The following TRIP12 variants were observed in gnomAD, a reference collection of about 807,000 sequenced individuals.
TRIP12 encodes the protein thyroid hormone receptor interactor 12.
TRIP12 carries 25 observed loss-of-function variants against 244.2 expected under a neutral mutation model. The observed-to-expected ratio is 0.10, with a 90% CI of 0.07 to 0.14. The LOEUF (loss-of-function observed/expected upper bound fraction) is 0.14. TRIP12 is among the 10% of genes least tolerant of loss of function. TRIP12 has a pLI of 1.00. For missense variants in TRIP12, 1,677 were observed against 2,486.4 expected (o/e 0.67, Z 6.92); for synonymous variants, 905 against 873.1 (o/e 1.04, Z -0.64).
intron 37 of TRIP12, among the ~76,000 whole-genome samples, chr2:229,776,920 C>T (rs2036439544): frequency 6.6e-6 from 1 of 152,130 alleles, no homozygotes; most frequent in Non-Finnish European, 1.5e-5. Context: ...AAATATCTTC[C>T]TGAGATCTCT....
At chr2:229,920,565 T>C (rs1353577205) in intron 1 of TRIP12, among the ~76,000 whole-genome samples, 1 of 152,070 alleles carries the variant, frequency 6.6e-6, no homozygotes, top group Non-Finnish European at 1.5e-5. Context: ...ACTCGATGCT[T>C]AGGCTAAACC....
chr2:229,858,799 G>T lies in TRIP12; in HGVS notation c.1000C>A (p.Pro334Thr), dbSNP rs2060037579. 1 of 1,599,118 alleles carries T rather than the reference G, an allele frequency of 6.3e-7. No homozygotes were observed. The highest frequency in any genetic ancestry group is 8.6e-7 in the Non-Finnish European group (1 of 1,168,794). Reference sequence around the variant, plus strand: ...GCTAATTTGGCCTGTAATCCAGAAGGTCCAGGTTTTGATGTCTCTGACTTA... The same window carrying T: ...GCTAATTTGGCCTGTAATCCAGAAGTTCCAGGTTTTGATGTCTCTGACTTA... ...SSKSETSKPG[P>T]SGLQAKLASL... The change falls in exon 4 of 42, where the codon CCT becomes ACT. Residue 334 changes from proline to threonine, a missense_variant. Pro to Thr is a conservative substitution (Grantham distance 38). Coordinates refer to ENST00000675903, the MANE Select transcript of TRIP12 (RefSeq NM_001348323.3).
chr2:229,905,794 A>G (rs1293109874), intron 1 of TRIP12, among the ~76,000 whole-genome samples: 2 of 152,186 alleles, frequency 1.3e-5, no homozygotes. Flanking sequence ...CACCAATCAG[A>G]GCAAGGAGAG....
At chr2:229,767,940 C>T (rs1464246343) in intron 41 of TRIP12, among the ~76,000 whole-genome samples, 190 bp from the exon 42 acceptor site, 1 of 152,170 alleles carries the variant, frequency 6.6e-6, no homozygotes, top group Non-Finnish European at 1.5e-5. Flanking sequence ...CGCTGTATAA[C>T]ATGGAGGCAA....
At chr2:229,905,355 G>C (rs2072435378) in intron 1 of TRIP12, among the ~76,000 whole-genome samples, 1 of 151,808 alleles carries the variant, frequency 6.6e-6, no homozygotes, top group Non-Finnish European at 1.5e-5. Flanking sequence ...CTAAGTTATA[G>C]CAGGCAAAAA....
chr2:229,829,303 A>AG lies in TRIP12; in HGVS notation c.1355-16dup, dbSNP rs1489457191. The AG allele has an allele frequency of 6.2e-7, 1 of 1,604,238 alleles. No individual in the cohort carries two copies. Among genetic ancestry groups the AG allele is most frequent in the East Asian group, 2.2e-5 (1 of 44,622 alleles). On this transcript the variant is annotated splice_polypyrimidine_tract_variant and intron_variant, in intron 7 of 41. Transcript: ENST00000675903. ...CTCTAACAAAGCTAAAGAAAAAAGA[A>AG]GGGCAGAGTGAACAACTAAGATGAC...
At chr2:229,901,948 C>T (rs1296538280) in intron 1 of TRIP12, among the ~76,000 whole-genome samples, 1 of 152,194 alleles carries the variant, frequency 6.6e-6, no homozygotes. Context: ...AGGCTATTCC[C>T]TCGCCCTCAG....
At chr2:229,845,111 C>A (rs922412567) in intron 4 of TRIP12, among the ~76,000 whole-genome samples, 1 of 152,312 alleles carries the variant, frequency 6.6e-6, no homozygotes, top group Non-Finnish European at 1.5e-5. Flanking sequence ...ATATTATCCT[C>A]TTTTATTGTA....
intron 31 of TRIP12, 25 bp downstream of exon 31, chr2:229,789,586 T>C (rs767932055): frequency 1.9e-6 from 3 of 1,604,012 alleles, no homozygotes; most frequent in African/African-American, 2.7e-5. Context: ...CCATGAAAAC[T>C]TCATAAATAG....
intron 1 of TRIP12, among the ~76,000 whole-genome samples, chr2:229,889,379 C>G (rs538982615): frequency 7.9e-5 from 12 of 152,330 alleles, no homozygotes; most frequent in Admixed American, 6.5e-5. Context: ...CACTCATTCC[C>G]TAATATAAAT....
chr2:229,766,865 T>C lies in TRIP12; in HGVS notation c.*689A>G, dbSNP rs896822002. ...ACCCTAAACTATATTAAAACTAAAC[T>C]ATAAGAAAAGTCTACCTAGTTACAA... On this transcript the variant is annotated 3_prime_UTR_variant, in exon 42 of 42. Transcript: ENST00000675903. 3.9e-5 allele frequency: 6 copies of C among 152,092 alleles called. No individual in the cohort carries two copies. The highest frequency in any genetic ancestry group is 1.4e-4 in the African/African-American group (6 of 41,398). 9.4% of individuals were successfully genotyped at this position (152,092 alleles called of 1,614,324 possible).
intron 6 of TRIP12, among the ~76,000 whole-genome samples, chr2:229,833,754 A>T (rs1188191830): frequency 6.6e-6 from 1 of 152,110 alleles, no homozygotes; most frequent in Non-Finnish European, 1.5e-5. Context: ...GTTATGAGTT[A>T]TCTAATTTTG....
At chr2:229,813,224 C>T (rs1287930071) in intron 13 of TRIP12, among the ~76,000 whole-genome samples, 3 of 152,190 alleles carry the variant, frequency 2.0e-5, no homozygotes, top group Non-Finnish European at 4.4e-5. Context: ...CCTCCAATGC[C>T]TCTCAAGAAA....
intron 31 of TRIP12, 141 bp from the exon 32 acceptor site, chr2:229,789,081 C>A: frequency 2.7e-6 from 2 of 740,774 alleles, no homozygotes; most frequent in Non-Finnish European, 4.3e-6. Context: ...CACAGCCTCT[C>A]ATTACTGTGT....
intron 4 of TRIP12, among the ~76,000 whole-genome samples, chr2:229,855,714 A>G (rs535495693): frequency 2.6e-5 from 4 of 152,164 alleles, no homozygotes; most frequent in African/African-American, 9.6e-5. Flanking sequence ...TTACTCAGAG[A>G]AGTTATTTCA....
intron 1 of TRIP12, among the ~76,000 whole-genome samples, chr2:229,909,076 T>G (rs2073686161): frequency 8.5e-6 from 1 of 117,012 alleles, no homozygotes; most frequent in African/African-American, 3.4e-5. Context: ...GGTGACAGAG[T>G]GAGACTCTGT....
intron 1 of TRIP12, among the ~76,000 whole-genome samples, chr2:229,891,253 T>C (rs535400959): frequency 2.0e-5 from 3 of 151,384 alleles, no homozygotes; most frequent in East Asian, 1.9e-4. Context: ...AAACCCCCTC[T>C]CTACCAAAAA....
chr2:229,797,735 A>G lies in TRIP12; in HGVS notation c.3579T>C (p.Asn1193=). ...TTGCAGCACAAAGTCTCTGAAGGAC[A>G]TTCAATGCAGGGTTGCTTCCATCCA... ...ENMDGSNPAL[N]VLQRLCAATE... is the part of the protein sequence containing the mutation. Residue 1193 remains asparagine, a synonymous_variant, in exon 24 of 42, where the codon AAT becomes AAC. Coordinates refer to ENST00000675903, the MANE Select transcript of TRIP12 (RefSeq NM_001348323.3). The G allele has an allele frequency of 6.2e-7, 1 of 1,613,978 alleles. No individual in the cohort carries two copies. The highest frequency in any genetic ancestry group is 1.1e-5 in the South Asian group (1 of 91,010).
chr2:229,778,784 G>A lies in TRIP12; in HGVS notation c.5209+92C>T. ...AGGCTAAAAGAAAGCAAGTACAGCT[G>A]TCCATTAGAAATTAAATATGTCTAA... On this transcript the variant is annotated intron_variant, in intron 35 of 41. Coordinates refer to ENST00000675903, the MANE Select transcript of TRIP12 (RefSeq NM_001348323.3). The surrounding 1 kb of genome is among the most constrained non-coding windows in gnomAD (Gnocchi z 4.1). 1 of 1,381,440 alleles carries A rather than the reference G, an allele frequency of 7.2e-7. No homozygotes were observed. The highest frequency in any genetic ancestry group is 1.3e-5 in the South Asian group (1 of 78,848). The allele number at this position is 1,381,440 out of a possible 1,614,324, so 85.6% of individuals were successfully genotyped here.
Sources: gnomAD v4.1 joint callset for allele counts (sites outside exome capture counted in the v4.1 genomes callset) on GRCh38, gnomAD v4.1.1 for gene constraint, Gnocchi (gnomAD v3.1) non-coding constraint, MANE v1.5 for transcripts, NCBI Gene and HGNC (gene_info 2026-07-23, HGNC 2026-07-21) for gene names.